Variants in TTBK2 observed in about 807,000 individuals in gnomAD.
The protein encoded by TTBK2 is tau tubulin kinase 2, also known as tau-tubulin kinase 2.
In TTBK2, 28 loss-of-function variants were observed where a neutral mutation model predicts 110.8. The ratio of observed to expected loss-of-function variants is 0.25; its 90% confidence interval spans 0.19 to 0.35. The LOEUF (loss-of-function observed/expected upper bound fraction) is 0.35. Among genes scored for constraint, TTBK2 ranks in the 10% least tolerant of loss-of-function variants. The probability of loss-of-function intolerance (pLI) is 1.00; values close to 1 mark genes in which losing one functional copy is unlikely to be tolerated. For missense variants in TTBK2, 1,369 were observed against 1,500.3 expected, an observed-to-expected ratio of 0.91 and a Z score of 1.45; for synonymous variants, 532 against 527.3, an observed-to-expected ratio of 1.01 and a Z score of -0.12.
intron 9 of TTBK2, chr15:42,802,194 C>A (rs1219067021): frequency 9.0e-7 from 1 of 1,116,008 alleles, no homozygotes; most frequent in South Asian, 1.2e-5. Context: ...TAAGAGGGCT[C>A]AGCAGGCTTT....
At chr15:42,747,004 A>G (rs1036198431) in intron 14 of TTBK2, among the ~76,000 whole-genome samples, 26 of 143,626 alleles carry the variant, frequency 1.8e-4, no homozygotes, top group Middle Eastern at 3.7e-3. Flanking sequence ...TTGCTCTGTC[A>G]CTCAGGCTGA....
chr15:42,832,702 G>A (rs1892811095), intron 4 of TTBK2, among the ~76,000 whole-genome samples: 1 of 152,174 alleles, frequency 6.6e-6, no homozygotes, highest in Admixed American at 6.5e-5. Context: ...ATTCTGAGTA[G>A]TGTGATGAAA....
At chr15:42,751,941 C>T (rs1566999694) in intron 14 of TTBK2, 33 bp downstream of exon 14, 2 of 1,610,190 alleles carry the variant, frequency 1.2e-6, no homozygotes, top group Non-Finnish European at 1.7e-6. Flanking sequence ...AATGGTGTTA[C>T]ACACTTAACA....
At chr15:42,862,706 T>C (rs1293571915) in intron 3 of TTBK2, among the ~76,000 whole-genome samples, 1 of 152,008 alleles carries the variant, frequency 6.6e-6, no homozygotes, top group Non-Finnish European at 1.5e-5. Context: ...CTGACCAACA[T>C]GAAGAAACCC....
intron 13 of TTBK2, among the ~76,000 whole-genome samples, chr15:42,770,326 A>G (rs1176922338): frequency 6.6e-6 from 1 of 152,072 alleles, no homozygotes; most frequent in African/African-American, 2.4e-5. Context: ...CACCTATAAC[A>G]CTTAAACTGT....
At chr15:42,761,845 G>A (rs1228782012) in intron 13 of TTBK2, among the ~76,000 whole-genome samples, 2 of 152,188 alleles carry the variant, frequency 1.3e-5, no homozygotes, top group Non-Finnish European at 1.5e-5. Flanking sequence ...TACAGTGTTT[G>A]TGGGTGTAAC....
At chr15:42,846,909 G>T (rs929450960) in intron 3 of TTBK2, among the ~76,000 whole-genome samples, 3 of 152,078 alleles carry the variant, frequency 2.0e-5, no homozygotes, top group South Asian at 2.1e-4. Context: ...GGAAGTGCTG[G>T]GGGGGTGGCC....
chr15:42,772,774 C>G (rs1889733934), intron 13 of TTBK2, among the ~76,000 whole-genome samples: 1 of 152,044 alleles, frequency 6.6e-6, no homozygotes, highest in South Asian at 2.1e-4. Context: ...CAGTGGGACC[C>G]CGTCTTGCAA....
At chr15:42,806,118 G>T (rs1016526496) in intron 9 of TTBK2, among the ~76,000 whole-genome samples, 2 of 151,998 alleles carry the variant, frequency 1.3e-5, no homozygotes, top group African/African-American at 4.8e-5. Context: ...TACAAAAATT[G>T]GCTGGGCATG....
chr15:42,836,456 T>C (rs1332318194), intron 4 of TTBK2, among the ~76,000 whole-genome samples: 1 of 152,102 alleles, frequency 6.6e-6, no homozygotes, highest in African/African-American at 2.4e-5. Flanking sequence ...TTTAGCCTAA[T>C]CCCAAATCAA....
At chr15:42,874,855 A>C (rs1295546412) in intron 2 of TTBK2, among the ~76,000 whole-genome samples, 1 of 151,588 alleles carries the variant, frequency 6.6e-6, no homozygotes, top group Non-Finnish European at 1.5e-5. Flanking sequence ...GCGTGGTGGC[A>C]TGTGCCTGTA....
chr15:42,903,546 G>T (rs150840776), intron 1 of TTBK2, among the ~76,000 whole-genome samples: 34 of 152,282 alleles, frequency 2.2e-4, no homozygotes, highest in Admixed American at 3.9e-4. Flanking sequence ...ATTACCAGTG[G>T]AAAAATCATG....
chr15:42,763,101 T>A (rs7166632), intron 13 of TTBK2, among the ~76,000 whole-genome samples: 2 of 109,170 alleles, frequency 1.8e-5, no homozygotes, highest in Non-Finnish European at 3.3e-5. Context: ...TATATATATA[T>A]ACGTATATAT....
At chr15:42,757,844 T>G (rs2061969018) in intron 13 of TTBK2, among the ~76,000 whole-genome samples, 1 of 152,240 alleles carries the variant, frequency 6.6e-6, no homozygotes, top group Admixed American at 6.5e-5. Context: ...ACCATGTACA[T>G]CCTTCTAAAG....
intron 1 of TTBK2, among the ~76,000 whole-genome samples, chr15:42,901,362 G>GA (rs879631188): frequency 3.4e-4 from 49 of 142,036 alleles, no homozygotes; most frequent in Admixed American, 3.5e-4. Context: ...ACTCCGTCTT[G>GA]AAAAAAAAAA....
rs2061785644 is a variant in TTBK2 at position 42,745,884 on chromosome 15, G to A, written c.3646C>T (p.Leu1216=). 3 of 1,614,134 alleles carry A rather than the reference G, an allele frequency of 1.9e-6. No individual in the cohort carries two copies. The East Asian group carries it at 6.7e-5, about 36-fold the overall frequency. ...TGGTGGAGGCTGCCGGATCCTTTCA[G>A]GCCATTCTTGCTGGGTTTGCAATGC... ...QEHCKPSKNG[L]KGSGSLHHHS... is the part of the protein sequence containing the mutation. The change falls in exon 15 of 15, where the codon CTG becomes TTG. Residue 1216 remains leucine, a synonymous_variant. Coordinates refer to ENST00000267890, the MANE Select transcript of TTBK2 (RefSeq NM_173500.4).
chr15:42,906,919 T>C (rs544212599), intron 1 of TTBK2, among the ~76,000 whole-genome samples: 98 of 151,782 alleles, frequency 6.5e-4, no homozygotes, highest in African/African-American at 2.3e-3. Flanking sequence ...GAGCAGTGGC[T>C]CATGCCTATA....
At chr15:42,907,848 T>C (rs1377966554) in intron 1 of TTBK2, among the ~76,000 whole-genome samples, 3 of 150,232 alleles carry the variant, frequency 2.0e-5, no homozygotes, top group South Asian at 2.1e-4. Flanking sequence ...CCAAGGCAGA[T>C]GGACTTGAGC....
intron 7 of TTBK2, 121 bp downstream of exon 7, chr15:42,816,909 ACT>A: frequency 2.0e-6 from 1 of 505,562 alleles, no homozygotes; most frequent in Non-Finnish European, 2.8e-6. Flanking sequence ...ACAGTGCAAG[ACT>A]CTGTCTCAAC....
Sources: allele counts gnomAD v4.1 joint callset (sites outside exome capture counted in the v4.1 genomes callset), GRCh38; gene constraint gnomAD v4.1.1; transcripts MANE v1.5; gene names NCBI Gene and HGNC (gene_info 2026-07-23, HGNC 2026-07-21).